ANKS1B: variants seen among roughly 807,000 people sequenced by gnomAD.
ANKS1B encodes the protein ankyrin repeat and sterile alpha motif domain-containing protein 1B.
ANKS1B carries 36 observed loss-of-function variants against 148.3 expected under a neutral mutation model. That is an observed-to-expected ratio of 0.24 (90% CI 0.19 to 0.32). ANKS1B has a LOEUF of 0.32. ANKS1B is among the 10% of genes least tolerant of loss of function. The probability of loss-of-function intolerance (pLI) is 1.00; values close to 1 mark genes in which losing one functional copy is unlikely to be tolerated. For missense variants in ANKS1B, 1,157 were observed against 1,542.6 expected (o/e 0.75, Z 4.19); for synonymous variants, 542 against 560.8 (o/e 0.97, Z 0.47).
At chr12:98,983,301 C>A (rs2099917302) in intron 17 of ANKS1B, among the ~76,000 whole-genome samples, 1 of 152,188 alleles carries the variant, frequency 6.6e-6, no homozygotes, top group South Asian at 2.1e-4. Flanking sequence ...TTCCTGCTGT[C>A]TGTTAGCTGC....
intron 17 of ANKS1B, among the ~76,000 whole-genome samples, chr12:98,962,974 G>A (rs1174223629): frequency 4.6e-5 from 7 of 152,106 alleles, no homozygotes; most frequent in Non-Finnish European, 8.8e-5. Context: ...ATAGCTATAA[G>A]TGCCTACATC....
At chr12:98,768,426 T>TAAAAAAAA (rs386377533) in intron 25 of ANKS1B, among the ~76,000 whole-genome samples, 3 of 46,692 alleles carry the variant, frequency 6.4e-5, no homozygotes, top group African/African-American at 1.8e-4. Flanking sequence ...GGGTGCTCTC[T>TAAAAAAAA]AAAAAAAAAA....
At chr12:99,534,375 C>G (rs530339707) in intron 9 of ANKS1B, among the ~76,000 whole-genome samples, 1 of 152,128 alleles carries the variant, frequency 6.6e-6, no homozygotes, top group East Asian at 1.9e-4. Context: ...TGTCATTTGC[C>G]ATTTATTGTT....
chr12:99,463,268 G>A (rs921060531), intron 10 of ANKS1B, among the ~76,000 whole-genome samples: 1 of 152,330 alleles, frequency 6.6e-6, no homozygotes, highest in East Asian at 1.9e-4. Context: ...ATTAATATGT[G>A]AAGACAAGAT....
At chr12:99,822,295 A>C (rs1412280670) in intron 2 of ANKS1B, among the ~76,000 whole-genome samples, 1 of 152,214 alleles carries the variant, frequency 6.6e-6, no homozygotes. Flanking sequence ...TTTTTAAAAA[A>C]TAATTTCAAC....
chr12:99,338,084 T>G (rs1037669240), intron 12 of ANKS1B, among the ~76,000 whole-genome samples: 10 of 152,128 alleles, frequency 6.6e-5, no homozygotes, highest in Non-Finnish European at 1.5e-4. Context: ...AGGCGGTGAA[T>G]CCAGACAGGC....
chr12:99,608,962 G>C (rs1472590153), intron 9 of ANKS1B, among the ~76,000 whole-genome samples: 1 of 152,030 alleles, frequency 6.6e-6, no homozygotes, highest in Non-Finnish European at 1.5e-5. Flanking sequence ...ATGGAAAGAA[G>C]AGGTTTAGAG....
At chr12:99,530,728 C>G (rs1362769122) in intron 9 of ANKS1B, among the ~76,000 whole-genome samples, 1 of 152,140 alleles carries the variant, frequency 6.6e-6, no homozygotes, top group Non-Finnish European at 1.5e-5. Context: ...AAGCCCTTTT[C>G]AGCAACCCCA....
intron 4 of ANKS1B, among the ~76,000 whole-genome samples, chr12:99,792,960 T>C (rs1372518112): frequency 9.2e-5 from 14 of 151,790 alleles, no homozygotes; most frequent in African/African-American, 3.1e-4. Context: ...AAGACTCCAC[T>C]GAAAAACTAT....
chr12:99,051,901 G>A (rs965080832), intron 17 of ANKS1B, among the ~76,000 whole-genome samples: 1 of 152,292 alleles, frequency 6.6e-6, no homozygotes, highest in South Asian at 2.1e-4. Context: ...ATAAGCAATG[G>A]CATGTAATGT....
chr12:99,289,706 A>G (rs2079642115), intron 12 of ANKS1B, among the ~76,000 whole-genome samples: 1 of 152,058 alleles, frequency 6.6e-6, no homozygotes, highest in East Asian at 1.9e-4. Flanking sequence ...AAAATTTTCA[A>G]AAATTATTGA....
chr12:99,631,858 A>G (rs1007214162), intron 9 of ANKS1B, among the ~76,000 whole-genome samples: 1 of 152,224 alleles, frequency 6.6e-6, no homozygotes, highest in African/African-American at 2.4e-5. Flanking sequence ...GCCTAACCAC[A>G]TAAAGAATGA....
chr12:99,320,855 A>T (rs1201996960), intron 12 of ANKS1B, among the ~76,000 whole-genome samples: 1 of 152,062 alleles, frequency 6.6e-6, no homozygotes, highest in Non-Finnish European at 1.5e-5. Flanking sequence ...GTCTTTGATG[A>T]TAGTGATGTG....
intron 12 of ANKS1B, among the ~76,000 whole-genome samples, chr12:99,318,842 A>G (rs990068738): frequency 2.0e-5 from 3 of 151,542 alleles, no homozygotes; most frequent in Non-Finnish European, 4.4e-5. Flanking sequence ...ATTGCTTTAA[A>G]TGTGTCCCAG....
chr12:99,558,071 T>A (rs2097295858), intron 9 of ANKS1B, among the ~76,000 whole-genome samples: 2 of 152,202 alleles, frequency 1.3e-5, no homozygotes, highest in Admixed American at 1.3e-4. Context: ...GCCACAACGC[T>A]ACAATGGAGA....
At chr12:98,843,659 A>C (rs997983952) in intron 17 of ANKS1B, among the ~76,000 whole-genome samples, 1 of 152,208 alleles carries the variant, frequency 6.6e-6, no homozygotes, top group African/African-American at 2.4e-5. Flanking sequence ...ACTACAGTTT[A>C]ATCGGTGATA....
intron 1 of ANKS1B, among the ~76,000 whole-genome samples, chr12:99,866,187 C>T (rs2090731244): frequency 6.6e-6 from 1 of 152,084 alleles, no homozygotes; most frequent in Admixed American, 6.6e-5. Flanking sequence ...AGACTTGGTT[C>T]CTATTGTTGG....
intron 11 of ANKS1B, among the ~76,000 whole-genome samples, chr12:99,429,117 AC>A (rs1170899461): frequency 6.6e-6 from 1 of 152,218 alleles, no homozygotes; most frequent in Non-Finnish European, 1.5e-5. Flanking sequence ...GTACCTCCCC[AC>A]AAATGTATAC....
intron 15 of ANKS1B, among the ~76,000 whole-genome samples, chr12:99,150,683 G>A (rs2074597931): frequency 6.6e-6 from 1 of 151,960 alleles, no homozygotes; most frequent in Non-Finnish European, 1.5e-5. Context: ...AAATAAGCAT[G>A]CACATTTTGT....
Sources: allele counts gnomAD v4.1 joint callset (sites outside exome capture counted in the v4.1 genomes callset), GRCh38; gene constraint gnomAD v4.1.1; transcripts MANE v1.5; gene names NCBI Gene and HGNC (gene_info 2026-07-23, HGNC 2026-07-21).